AGT: variants seen among roughly 807,000 people sequenced by gnomAD.
AGT encodes the protein alpha-1 antiproteinase, antitrypsin.
Under a neutral mutation model 28.1 loss-of-function variants are expected in AGT, and 26 were observed. The ratio of observed to expected loss-of-function variants is 0.92; its 90% CI spans 0.68 to 1.28. AGT has a LOEUF of 1.28. Among genes scored for constraint, AGT ranks in the 50% most tolerant of loss-of-function variants. The pLI, the probability that AGT is intolerant of heterozygous loss-of-function variation, is 0.00. For missense variants in AGT, 596 were observed against 592.3 expected, an observed-to-expected ratio of 1.01 and a Z score of -0.06; for synonymous variants, 259 against 259.6, an observed-to-expected ratio of 1.00 and a Z score of 0.02.
At chr1:230,729,854 T>A (rs952026372) in intron 1 of AGT, among the ~76,000 whole-genome samples, 1 of 152,064 alleles carries the variant, frequency 6.6e-6, no homozygotes, top group Admixed American at 6.5e-5. Flanking sequence ...GTCTTCTCTA[T>A]CTTATCTTTA....
chr1:230,710,740 G>A lies in AGT; in HGVS notation c.84C>T (p.Tyr28=). 6.2e-7 allele frequency: 1 copy of A among 1,614,154 alleles called. No homozygotes were observed. The highest frequency in any genetic ancestry group is 1.3e-5 in the African/African-American group (1 of 75,062). ...WAGLAAGDRV[Y]IHPFHLVIHN... ...GGATGACGAGGTGGAAGGGGTGTAT[G>A]TACACCCGGTCACCTGCAGCCAGGC... is the stretch of plus-strand genomic sequence containing the variant. Residue 28 remains tyrosine, a synonymous_variant, in exon 2 of 5, where the codon TAC becomes TAT. Transcript: ENST00000366667.
At chr1:230,722,230 G>T (rs757296941) in intron 1 of AGT, among the ~76,000 whole-genome samples, 3 of 152,238 alleles carry the variant, frequency 2.0e-5, no homozygotes, top group Admixed American at 1.3e-4. Context: ...TGGGCCTGTG[G>T]GTGCACAGGA....
intron 2 of AGT, among the ~76,000 whole-genome samples, chr1:230,708,527 T>C (rs2493133): frequency 0.57 from 86,969 of 151,914 alleles, 27,297 homozygotes; most frequent in East Asian, 0.83. Flanking sequence ...CTATCACCTC[T>C]CCCTGAACCC....
At chr1:230,712,676 C>G (rs960361880) in intron 1 of AGT, among the ~76,000 whole-genome samples, 1 of 152,190 alleles carries the variant, frequency 6.6e-6, no homozygotes, top group African/African-American at 2.4e-5. Flanking sequence ...CTGTGCTGCT[C>G]CTGCTCAGGC....
At chr1:230,719,377 C>T (rs1663799046), upstream of AGT, among the ~76,000 whole-genome samples, 2 of 140,380 alleles carry the variant, frequency 1.4e-5, no homozygotes, top group African/African-American at 5.5e-5. Context: ...ACATTTCTTT[C>T]TATTTTTTAT....
chr1:230,723,166 C>T (rs930927620), intron 1 of AGT, among the ~76,000 whole-genome samples: 1 of 152,190 alleles, frequency 6.6e-6, no homozygotes, highest in Non-Finnish European at 1.5e-5. Flanking sequence ...ACACTTTTCT[C>T]TCTTCTCCAG....
In AGT at chr1:230,710,385, C is replaced by G; in HGVS notation, c.439G>C (p.Asp147His). ...ACACCCAGGATTGCCTGTAGCCTGTCAGCTGTGTGGTCCAAGGCTCCCAGA... is the reference window on the plus strand; with the variant it reads ...ACACCCAGGATTGCCTGTAGCCTGTGAGCTGTGTGGTCCAAGGCTCCCAGA... ...LYLGALDHTA[D>H]RLQAILGVPW... Residue 147 changes from aspartate (D) to histidine (H), a missense_variant, in exon 2 of 5, where the codon GAC becomes CAC. Coordinates refer to ENST00000366667, the MANE Select transcript of AGT (RefSeq NM_001384479.1). 1.1e-5 allele frequency: 17 copies of G among 1,614,230 alleles called. No homozygotes were observed. The highest frequency in any genetic ancestry group is 1.4e-5 in the Non-Finnish European group (17 of 1,180,042).
intron 1 of AGT, among the ~76,000 whole-genome samples, chr1:230,738,124 C>T (rs951642176): frequency 6.6e-6 from 1 of 152,190 alleles, no homozygotes; most frequent in Non-Finnish European, 1.5e-5. Context: ...GTTGCTTGCA[C>T]CTTCTGGCTG....
Position 230,703,036 on chromosome 1 carries a change from G to T in AGT, c.*105C>A. Reference sequence around the variant, plus strand: ...TTAGAAGAAAAGGTGGGAGACTGGGGGTGACACATCGCTGATTTGTCCGGG... The same window carrying T: ...TTAGAAGAAAAGGTGGGAGACTGGGTGTGACACATCGCTGATTTGTCCGGG... On this transcript the variant is annotated 3_prime_UTR_variant, in exon 5 of 5. Transcript: ENST00000366667. 1 of 1,268,688 alleles carries T rather than the reference G, an allele frequency of 7.9e-7. No homozygotes were observed. Among genetic ancestry groups the T allele is most frequent in the Non-Finnish European group, 1.1e-6 (1 of 903,574 alleles). The allele number at this position is 1,268,688 out of a possible 1,614,324, so 78.6% of individuals were successfully genotyped here.
At chr1:230,720,511 G>A (rs934275216) in intron 1 of AGT, among the ~76,000 whole-genome samples, 21 of 151,364 alleles carry the variant, frequency 1.4e-4, no homozygotes, top group Non-Finnish European at 2.5e-4. Flanking sequence ...CAGATGGGGC[G>A]GGTCCCCGGT....
At chr1:230,711,964 C>G (rs1449539752) in intron 1 of AGT, among the ~76,000 whole-genome samples, 1 of 152,208 alleles carries the variant, frequency 6.6e-6, no homozygotes, top group Non-Finnish European at 1.5e-5. Context: ...CAAATGAAAG[C>G]TACCCTGAGA....
Position 230,711,816 on chromosome 1 carries a change from TAAAAA to T in AGT, c.-30-968_-30-964del, listed in dbSNP as rs58359338. On this transcript the variant is annotated intron_variant, in intron 1 of 4. Coordinates refer to ENST00000366667, the MANE Select transcript of AGT (RefSeq NM_001384479.1). ...CCTTAGTCTGTGCTGGGACCACGTA[TAAAAA>T]AAAAAAAAAAAAAATAGAAAATTCT... is the stretch of plus-strand genomic sequence containing the variant. Among the ~76,000 whole-genome samples the T allele has an allele frequency of 2.2e-3, 301 of 136,316 alleles. 3 individuals carry two copies. In the East Asian group the frequency reaches 0.029, roughly 13 times the overall value. The allele number at this position is 136,316 out of a possible 152,430, so 89.4% of individuals were successfully genotyped here.
At position 230,710,542 on chromosome 1, in the gene AGT, G is replaced by T. The variant is rs756049025; in HGVS notation, c.282C>A (p.Ala94=). 1.2e-6 allele frequency: 2 copies of T among 1,614,114 alleles called. No individual in the cohort carries two copies. Among genetic ancestry groups the T allele is most frequent in the Non-Finnish European group, 1.7e-6 (2 of 1,180,052 alleles). The stretch of plus-strand genomic sequence containing the variant: ...AGTTGGCCAGCATCCCGACCATTGC[G>T]GCCCTCAACTTGTCTTCGGTGTCAA... ...AKLDTEDKLR[A]AMVGMLANFL... is the part of the protein sequence containing the mutation. The change falls in exon 2 of 5, where the codon GCC becomes GCA. Residue 94 remains alanine, a synonymous_variant. Transcript: ENST00000366667.
chr1:230,734,594 T>C (rs1053359740), intron 1 of AGT, among the ~76,000 whole-genome samples: 3 of 142,696 alleles, frequency 2.1e-5, no homozygotes, highest in African/African-American at 8.0e-5. Flanking sequence ...TTTATAAATA[T>C]ATATATGGTG....
intron 1 of AGT, among the ~76,000 whole-genome samples, chr1:230,736,029 A>C (rs951082993): frequency 6.6e-6 from 1 of 151,548 alleles, no homozygotes; most frequent in Non-Finnish European, 1.5e-5. Context: ...GTGATGTCTT[A>C]AATCCAAAGA....
rs370335267 is a variant in AGT, at chr1:230,710,722, G to A, written c.102C>T (p.Leu34=). 33 of 1,613,960 alleles carry A rather than the reference G, an allele frequency of 2.0e-5. No homozygotes were observed. The highest frequency in any genetic ancestry group is 2.4e-5 in the Non-Finnish European group (28 of 1,179,956). The part of the protein sequence containing the change: ...GDRVYIHPFH[L]VIHNESTCEQ... ...CACAGGTACTCTCATTGTGGATGAC[G>A]AGGTGGAAGGGGTGTATGTACACCC... is the stretch of plus-strand genomic sequence containing the variant. Residue 34 remains leucine, a synonymous_variant, in exon 2 of 5, where the codon CTC becomes CTT. Coordinates refer to ENST00000366667, the MANE Select transcript of AGT (RefSeq NM_001384479.1).
At chr1:230,704,374 C>T in intron 3 of AGT, 37 bp from the exon 4 acceptor site, 1 of 1,611,678 alleles carries the variant, frequency 6.2e-7, no homozygotes, top group Non-Finnish European at 8.5e-7. Context: ...GGCTCCAGGC[C>T]ACACAGTGAG....
intron 1 of AGT, among the ~76,000 whole-genome samples, chr1:230,720,603 T>C (rs1047864605): frequency 6.6e-6 from 1 of 152,226 alleles, no homozygotes; most frequent in African/African-American, 2.4e-5. Flanking sequence ...ATTGAGAACT[T>C]GTCTTCCTGT....
At chr1:230,728,285 G>A (rs1157369004) in intron 1 of AGT, among the ~76,000 whole-genome samples, 1 of 152,174 alleles carries the variant, frequency 6.6e-6, no homozygotes, top group African/African-American at 2.4e-5. Context: ...ATAACGGCTG[G>A]TGATTGCTTA....
Sources: gnomAD v4.1 joint callset for allele counts (sites outside exome capture counted in the v4.1 genomes callset) on GRCh38, gnomAD v4.1.1 for gene constraint, MANE v1.5 for transcripts, NCBI Gene and HGNC (gene_info 2026-07-23, HGNC 2026-07-21) for gene names.